FARS2: variants seen among roughly 807,000 people sequenced by gnomAD.
FARS2 encodes phenylalanyl-tRNA synthetase 2, mitochondrial, also known as phenylalanine--tRNA ligase, mitochondrial.
A neutral mutation model predicts 46.4 loss-of-function variants in FARS2; 40 were observed. The ratio of observed to expected loss-of-function variants is 0.86; its 90% CI spans 0.67 to 1.12. The LOEUF (loss-of-function observed/expected upper bound fraction) is 1.12. FARS2 is among the 50% of genes most tolerant of loss of function. The pLI is 0.00. For synonymous variants in FARS2, 234 were observed against 214.9 expected (o/e 1.09, Z -0.78); for missense variants, 513 against 567.9 (o/e 0.90, Z 0.98).
chr6:5,736,176 A>T (rs915830043), intron 6 of FARS2, among the ~76,000 whole-genome samples: 1 of 152,220 alleles, frequency 6.6e-6, no homozygotes, highest in Admixed American at 6.5e-5. Flanking sequence ...GCTGTAGGTC[A>T]GAGACCTCAG....
At chr6:5,623,930 A>T (rs1775905951) in intron 6 of FARS2, among the ~76,000 whole-genome samples, 1 of 152,158 alleles carries the variant, frequency 6.6e-6, no homozygotes, top group South Asian at 2.1e-4. Flanking sequence ...AAGATAGCCT[A>T]GCGCTGAAAA....
chr6:5,583,388 T>G (rs1393682541), intron 5 of FARS2, among the ~76,000 whole-genome samples: 2 of 152,204 alleles, frequency 1.3e-5, no homozygotes, highest in East Asian at 1.9e-4. Flanking sequence ...TGCTTAAGTG[T>G]TCTCTGCTGT....
intron 1 of FARS2, among the ~76,000 whole-genome samples, chr6:5,354,639 G>A (rs1010921285): frequency 3.3e-5 from 5 of 151,414 alleles, no homozygotes; most frequent in East Asian, 1.9e-4. Context: ...TCAGCCTCCC[G>A]AGTAGCTGGG....
rs1770331176 is a variant in FARS2 at position 5,325,758 on chromosome 6, G to T, written c.-21-42792G>T. On this transcript the variant is annotated intron_variant, in intron 1 of 6. Coordinates refer to ENST00000274680, the MANE Select transcript of FARS2 (RefSeq NM_006567.5). ...AAGTTTCATAAGGAAGCATGAAAGA[G>T]AAATTACCAAATATTTGCAATATAT... is the stretch of plus-strand genomic sequence containing the variant. 1.3e-5 allele frequency among the ~76,000 whole-genome samples: 2 copies of T among 152,016 alleles called. 1 individual carries two copies. Among genetic ancestry groups the T allele is most frequent in the South Asian group, 4.2e-4 (2 of 4,816 alleles).
chr6:5,451,318 C>T (rs961575473), intron 4 of FARS2, among the ~76,000 whole-genome samples: 2 of 152,092 alleles, frequency 1.3e-5, no homozygotes, highest in African/African-American at 2.4e-5. Flanking sequence ...TCTAGCCTTA[C>T]TTGCAATCTG....
intron 6 of FARS2, among the ~76,000 whole-genome samples, chr6:5,660,553 T>G (rs1777801503): frequency 6.8e-6 from 1 of 146,106 alleles, no homozygotes; most frequent in Admixed American, 7.0e-5. Context: ...GAGGCTGAGG[T>G]GGGGGGATCC....
intron 5 of FARS2, among the ~76,000 whole-genome samples, chr6:5,546,058 GC>G (rs907880483): frequency 2.0e-5 from 3 of 152,000 alleles, no homozygotes; most frequent in African/African-American, 7.3e-5. Flanking sequence ...AACCCAGGAG[GC>G]AGAGGTTGCA....
At chr6:5,372,502 G>A (rs1759124457) in intron 2 of FARS2, among the ~76,000 whole-genome samples, 2 of 152,102 alleles carry the variant, frequency 1.3e-5, no homozygotes, top group Non-Finnish European at 2.9e-5. Context: ...AAATGTCAAA[G>A]AATCAACAAC....
chr6:5,495,180 G>C (rs1205746497), intron 4 of FARS2, among the ~76,000 whole-genome samples: 1 of 152,156 alleles, frequency 6.6e-6, no homozygotes, highest in African/African-American at 2.4e-5. Context: ...TGTGACTCAG[G>C]TTAAACCCTG....
chr6:5,618,934 T>C (rs1775619670), intron 6 of FARS2, among the ~76,000 whole-genome samples: 1 of 152,238 alleles, frequency 6.6e-6, no homozygotes, highest in African/African-American at 2.4e-5. Flanking sequence ...ATGAACTTGA[T>C]ATCCCCTCCA....
intron 1 of FARS2, among the ~76,000 whole-genome samples, chr6:5,353,611 T>C (rs1757712311): frequency 6.6e-6 from 1 of 152,170 alleles, no homozygotes; most frequent in African/African-American, 2.4e-5. Flanking sequence ...CTCATTGTGG[T>C]TTTGATTTGC....
At chr6:5,667,141 C>T (rs1778168301) in intron 6 of FARS2, among the ~76,000 whole-genome samples, 1 of 152,098 alleles carries the variant, frequency 6.6e-6, no homozygotes, top group Non-Finnish European at 1.5e-5. Context: ...ATCTGAATAC[C>T]AAACCCCCAT....
At chr6:5,368,309 G>C (rs1273656428) in intron 1 of FARS2, among the ~76,000 whole-genome samples, 1 of 152,206 alleles carries the variant, frequency 6.6e-6, no homozygotes, top group Non-Finnish European at 1.5e-5. Context: ...GGATCTGAAT[G>C]ACAAAGGAAG....
chr6:5,259,874 C>G (rs773513393), upstream of FARS2, among the ~76,000 whole-genome samples: 1 of 151,948 alleles, frequency 6.6e-6, no homozygotes, highest in African/African-American at 2.4e-5. Context: ...TGGGTCAGAA[C>G]CAGCAACACT....
chr6:5,312,129 G>A, intron 1 of FARS2, among the ~76,000 whole-genome samples: 1 of 152,154 alleles, frequency 6.6e-6, no homozygotes, highest in Non-Finnish European at 1.5e-5. Context: ...AATAACTTGG[G>A]ACCATCTTCT....
rs2113692 is a variant in FARS2, at chr6:5,412,551, G to A, written c.772+7850G>A. On this transcript the variant is annotated intron_variant, in intron 3 of 6. Transcript: ENST00000274680. ...GTGTTGTGAGTGATGTCCTGGTCAG[G>A]AGTGAAATCACTTGATCATGTGTAA... 2.2e-3 allele frequency among the ~76,000 whole-genome samples: 328 copies of A among 152,306 alleles called. 3 individuals carry two copies. The East Asian group carries it at 0.056, about 26-fold the overall frequency.
intron 5 of FARS2, among the ~76,000 whole-genome samples, chr6:5,595,604 C>G (rs888394914): frequency 6.6e-6 from 1 of 152,184 alleles, no homozygotes; most frequent in Non-Finnish European, 1.5e-5. Flanking sequence ...CACCAAGTGA[C>G]ACAAACAGAA....
At chr6:5,491,788 G>A (rs1767129627) in intron 4 of FARS2, among the ~76,000 whole-genome samples, 2 of 152,108 alleles carry the variant, frequency 1.3e-5, no homozygotes, top group Admixed American at 1.3e-4. Context: ...AGATATCACA[G>A]GCTACTGCCA....
chr6:5,682,855 A>G (rs929140527), intron 6 of FARS2, among the ~76,000 whole-genome samples: 8 of 152,212 alleles, frequency 5.3e-5, no homozygotes, highest in African/African-American at 1.9e-4. Flanking sequence ...TGGGGCAGAG[A>G]GTGAAGTGAA....
Sources: gnomAD v4.1 joint callset for allele counts (sites outside exome capture counted in the v4.1 genomes callset) on GRCh38, gnomAD v4.1.1 for gene constraint, MANE v1.5 for transcripts, NCBI Gene and HGNC (gene_info 2026-07-23, HGNC 2026-07-21) for gene names.